The following BCL2L11 variants were observed in gnomAD, a reference collection of about 807,000 sequenced individuals.
The protein encoded by BCL2L11 is BCL2 like 11.
BCL2L11 carries 15 observed loss-of-function variants against 20.6 expected under a neutral mutation model. The observed-to-expected ratio is 0.73, with a 90% CI of 0.49 to 1.12. The LOEUF (loss-of-function observed/expected upper bound fraction) is 1.12. Among genes scored for constraint, BCL2L11 ranks in the 50% most tolerant of loss-of-function variants. The pLI is 0.00. For missense variants in BCL2L11, 292 were observed against 260.9 expected (o/e 1.12, Z -0.82); for synonymous variants, 108 against 92.8 (o/e 1.16, Z -0.94).
rs2070782456 is a variant in BCL2L11 at position 111,121,013 on chromosome 2, G to GCCGCCACTACCA, written c.-184_-183insACTACCACCGCC. ...CGCCGCCGCCGCCGCCGCCGCCGCC[G>GCCGCCACTACCA]CCGCCGCCACTACCACCACTTGATT... On this transcript the variant is annotated 5_prime_UTR_variant, in exon 1 of 4. Transcript: ENST00000393256. 2.5e-6 allele frequency: 1 copy of GCCGCCACTACCA among 392,472 alleles called. No homozygotes were observed. The highest frequency in any genetic ancestry group is 4.5e-6 in the Non-Finnish European group (1 of 223,294). 24.3% of individuals were successfully genotyped at this position (392,472 alleles called of 1,614,324 possible).
At position 111,120,979 on chromosome 2, in the gene BCL2L11, T is replaced by TGCCGCTGCTGCC. The variant is rs1465879075; in HGVS notation, c.-218_-217insTGCTGCCGCCGC. ...GCTCTGCGTCCAGCGCCGCTGCCGC[T>TGCCGCTGCTGCC]GCCGCCGCCGCCGCCGCCGCCGCCG... On this transcript the variant is annotated 5_prime_UTR_variant, in exon 1 of 4. Transcript: ENST00000393256. The TGCCGCTGCTGCC allele has an allele frequency of 3.3e-6, 1 of 305,242 alleles. No homozygotes were observed. Among genetic ancestry groups the TGCCGCTGCTGCC allele is most frequent in the African/African-American group, 2.4e-5 (1 of 42,286 alleles). 18.9% of individuals were successfully genotyped at this position (305,242 alleles called of 1,614,324 possible).
intron 1 of BCL2L11, chr2:111,122,862 G>A: frequency 1.0e-6 from 1 of 985,514 alleles, no homozygotes. Flanking sequence ...AAGGGCGCGG[G>A]CCGGACGCCG....
Position 111,121,089 on chromosome 2 carries a change from A to G in BCL2L11, c.-113A>G. On this transcript the variant is annotated 5_prime_UTR_variant, in exon 1 of 4. Transcript: ENST00000393256. ...CACACTGCGATCGCATCATCGCGGT[A>G]TTCGGTTCGCTGCGTTCCCGCCGCC... is the stretch of plus-strand genomic sequence containing the variant. The G allele has an allele frequency of 3.2e-6, 1 of 309,532 alleles. No homozygotes were observed. The highest frequency in any genetic ancestry group is 5.9e-6 in the Non-Finnish European group (1 of 169,260). The allele number at this position is 309,532 out of a possible 1,614,324, so 19.2% of individuals were successfully genotyped here.
chr2:111,127,181 C>T (rs2072816206), intron 2 of BCL2L11, among the ~76,000 whole-genome samples: 1 of 152,090 alleles, frequency 6.6e-6, no homozygotes. Flanking sequence ...TTATCAAAAT[C>T]ACTCACATGT....
intron 2 of BCL2L11, 78 bp from the exon 3 acceptor site, chr2:111,149,966 C>T (rs1014275041): frequency 7.7e-7 from 1 of 1,304,180 alleles, no homozygotes; most frequent in Non-Finnish European, 1.1e-6. Context: ...GGGCTTGCCT[C>T]TAGAGACTTA....
intron 3 of BCL2L11, among the ~76,000 whole-genome samples, chr2:111,162,120 T>A (rs749764784): frequency 4.6e-5 from 7 of 152,194 alleles, no homozygotes; most frequent in Admixed American, 1.3e-4. Flanking sequence ...TCTTTTGCAA[T>A]ACGGGCATAC....
chr2:111,144,373 T>A (rs1257550829), intron 2 of BCL2L11: 3 of 1,120,400 alleles, frequency 2.7e-6, no homozygotes, highest in African/African-American at 3.1e-5. Context: ...GTGTGTGTGT[T>A]GTTGGTTACT....
At chr2:111,148,005 T>C (rs923305487) in intron 2 of BCL2L11, among the ~76,000 whole-genome samples, 2 of 152,258 alleles carry the variant, frequency 1.3e-5, no homozygotes, top group Non-Finnish European at 2.9e-5. Context: ...GATTTGTGAA[T>C]ATCATTGATG....
chr2:111,148,534 G>A (rs1219941722), intron 2 of BCL2L11, among the ~76,000 whole-genome samples: 1 of 152,182 alleles, frequency 6.6e-6, no homozygotes, highest in Non-Finnish European at 1.5e-5. Context: ...AGAAATATTT[G>A]TGTGACACAG....
At chr2:111,132,022 T>TG (rs2074051651) in intron 2 of BCL2L11, 1 of 152,146 alleles carries the variant, frequency 6.6e-6, no homozygotes, top group South Asian at 2.1e-4. Context: ...GCATACAAGA[T>TG]GGAGTTGTTT....
At chr2:111,121,966 G>T (rs1199353106) in intron 1 of BCL2L11, among the ~76,000 whole-genome samples, 1 of 152,190 alleles carries the variant, frequency 6.6e-6, no homozygotes, top group Non-Finnish European at 1.5e-5. Flanking sequence ...CCCGGTTCGC[G>T]GTGCAGGCTG....
In BCL2L11 at chr2:111,137,332, C is replaced by T. The variant is rs568595769; in HGVS notation, c.395-12712C>T. Among the ~76,000 whole-genome samples the T allele has an allele frequency of 3.9e-5, 6 of 152,350 alleles. No individual in the cohort carries two copies. The South Asian group carries it at 1.2e-3, about 32-fold the overall frequency. On this transcript the variant is annotated intron_variant, in intron 2 of 3. Coordinates refer to ENST00000393256, the MANE Select transcript of BCL2L11 (RefSeq NM_138621.5). ...CACCACCTCTCCCTGCCCATCTCCA[C>T]CTCCCGCACCAGAATTAAGTTGTCT...
At chr2:111,150,409 AT>A in intron 3 of BCL2L11, 1 of 526,852 alleles carries the variant, frequency 1.9e-6, no homozygotes, top group Non-Finnish European at 3.1e-6. Context: ...TAAAAAAGGG[AT>A]TATTTATAGA....
intron 2 of BCL2L11, chr2:111,145,915 GCTTT>G (rs1178744846): frequency 1.4e-5 from 12 of 860,062 alleles, no homozygotes; most frequent in African/African-American, 2.1e-5. Flanking sequence ...TTGATTAGTG[GCTTT>G]CTTTTTTTTT....
At chr2:111,129,641 G>C (rs1167584582) in intron 2 of BCL2L11, among the ~76,000 whole-genome samples, 1 of 152,172 alleles carries the variant, frequency 6.6e-6, no homozygotes, top group South Asian at 2.1e-4. Flanking sequence ...TCCATTTCAT[G>C]TGTCTGTGAG....
At chr2:111,125,736 C>G (rs751337524) in intron 2 of BCL2L11, among the ~76,000 whole-genome samples, 1 of 152,124 alleles carries the variant, frequency 6.6e-6, no homozygotes, top group African/African-American at 2.4e-5. Context: ...AGCAGCTACA[C>G]ATGCTGGCTG....
At chr2:111,164,080 TCCCCACCCCC>T in intron 3 of BCL2L11, 43 bp from the exon 4 acceptor site, 1 of 573,336 alleles carries the variant, frequency 1.7e-6, no homozygotes, top group Non-Finnish European at 3.5e-6. Flanking sequence ...CTCCCACCCC[TCCCCACCCCC>T]AAATTAGGGA....
chr2:111,165,969 CA>C lies in BCL2L11; in HGVS notation c.*1741del, dbSNP rs1248465362. The C allele has an allele frequency of 6.6e-6, 1 of 152,004 alleles. No individual in the cohort carries two copies. Among genetic ancestry groups the C allele is most frequent in the African/African-American group, 2.4e-5 (1 of 41,340 alleles). 9.4% of individuals were successfully genotyped at this position (152,004 alleles called of 1,614,324 possible). Reference sequence around the variant, plus strand: ...CCTTTAGGTAGAGATGATTTCAATCCAAATACTCTTACTTTAAAAAATTTCC... The same window carrying C: ...CCTTTAGGTAGAGATGATTTCAATCCAATACTCTTACTTTAAAAAATTTCC... On this transcript the variant is annotated 3_prime_UTR_variant, in exon 4 of 4. Coordinates refer to ENST00000393256, the MANE Select transcript of BCL2L11 (RefSeq NM_138621.5).
rs189552070 is a variant in BCL2L11, at chr2:111,123,742, C to T, written c.-4C>T. 5.5e-5 allele frequency: 76 copies of T among 1,381,760 alleles called. No individual in the cohort carries two copies. The African/African-American group carries it at 9.9e-4, about 18-fold the overall frequency. The allele number at this position is 1,381,760 out of a possible 1,614,324, so 85.6% of individuals were successfully genotyped here. On this transcript the variant is annotated 5_prime_UTR_variant, in exon 2 of 4. Transcript: ENST00000393256. ...TTTATTTTACTTGCAGAAAAAAAGACCAAATGGCAAAGCAACCTTCTGATG... is the reference window on the plus strand; with the variant it reads ...TTTATTTTACTTGCAGAAAAAAAGATCAAATGGCAAAGCAACCTTCTGATG...
Sources: gnomAD v4.1 joint callset for allele counts (sites outside exome capture counted in the v4.1 genomes callset) on GRCh38, gnomAD v4.1.1 for gene constraint, MANE v1.5 for transcripts, NCBI Gene and HGNC (gene_info 2026-07-23, HGNC 2026-07-21) for gene names.